Variants in APP observed in about 807,000 individuals in gnomAD.
APP encodes the protein amyloid-beta precursor protein.
APP carries 31 observed loss-of-function variants against 101.4 expected under a neutral mutation model. The ratio of observed to expected loss-of-function variants is 0.31; its 90% CI spans 0.23 to 0.41. The LOEUF is 0.41. Among genes scored for constraint, APP ranks in the 10% least tolerant of loss-of-function variants. APP has a pLI of 1.00. For synonymous variants in APP, 366 were observed against 364.4 expected, an observed-to-expected ratio of 1.00 and a Z score of -0.05; for missense variants, 839 against 1,003.7, an observed-to-expected ratio of 0.84 and a Z score of 2.22.
At chr21:26,170,438 G>A (rs1217990023) in intron 1 of APP, 126 bp downstream of exon 1, 5 of 1,006,468 alleles carry the variant, frequency 5.0e-6, no homozygotes, top group East Asian at 6.1e-5. Context: ...AAGCGGGGGC[G>A]GAGAGGAGAG....
intron 13 of APP, among the ~76,000 whole-genome samples, chr21:25,912,304 T>C (rs2039117427): frequency 6.6e-6 from 1 of 152,140 alleles, no homozygotes; most frequent in Non-Finnish European, 1.5e-5. Context: ...CAGTTAGACG[T>C]CCCTAGTATA....
intron 6 of APP, among the ~76,000 whole-genome samples, chr21:26,011,720 G>C (rs1288350560): frequency 6.6e-6 from 1 of 151,436 alleles, no homozygotes; most frequent in Non-Finnish European, 1.5e-5. Context: ...CAGAAATCCT[G>C]GGTAACAAAT....
chr21:26,156,022 G>C (rs927899176), intron 1 of APP, among the ~76,000 whole-genome samples: 1 of 137,638 alleles, frequency 7.3e-6, no homozygotes, highest in East Asian at 2.2e-4. Flanking sequence ...AAAAAAAAAA[G>C]ATACCACTTC....
Position 26,096,769 on chromosome 21 carries a change from C to T in APP, c.226-6697G>A, listed in dbSNP as rs530169929. Among the ~76,000 whole-genome samples the T allele has an allele frequency of 1.9e-4, 29 of 151,986 alleles. No homozygotes were observed. The South Asian group carries it at 6.0e-3, about 32-fold the overall frequency. ...CCAGTCTGGGCAACAGAGTGAGACC[C>T]CGCCTCAAAAAAACAAAAAACAAAA... is the stretch of plus-strand genomic sequence containing the variant. On this transcript the variant is annotated intron_variant, in intron 2 of 17. Transcript: ENST00000346798.
intron 1 of APP, among the ~76,000 whole-genome samples, chr21:26,149,471 A>G (rs2063218165): frequency 6.6e-6 from 1 of 152,250 alleles, no homozygotes; most frequent in African/African-American, 2.4e-5. Flanking sequence ...CTATTTTTAC[A>G]TATGCCAGAA....
intron 1 of APP, among the ~76,000 whole-genome samples, chr21:26,169,745 G>T (rs981182046): frequency 5.3e-5 from 8 of 152,230 alleles, no homozygotes; most frequent in Non-Finnish European, 1.0e-4. Context: ...AGGGCGGGGT[G>T]TCGCGGCTTT....
chr21:26,080,725 G>A (rs928681878), intron 3 of APP, among the ~76,000 whole-genome samples: 26 of 148,276 alleles, frequency 1.8e-4, no homozygotes, highest in African/African-American at 6.0e-4. Flanking sequence ...AGCCAAGATC[G>A]CACCACTGCA....
At chr21:25,965,432 C>G (rs1400831536) in intron 11 of APP, among the ~76,000 whole-genome samples, 1 of 152,238 alleles carries the variant, frequency 6.6e-6, no homozygotes, top group Admixed American at 6.5e-5. Flanking sequence ...CATACATCCT[C>G]TAACTGGTTA....
intron 1 of APP, among the ~76,000 whole-genome samples, chr21:26,145,833 C>T (rs550816958): frequency 3.5e-4 from 54 of 152,162 alleles, no homozygotes; most frequent in African/African-American, 1.2e-3. Flanking sequence ...TCACTTATAT[C>T]GGTATGATTT....
intron 15 of APP, 103 bp from the exon 16 acceptor site, chr21:25,897,776 G>C: frequency 1.1e-6 from 1 of 903,008 alleles, no homozygotes; most frequent in Non-Finnish European, 1.8e-6. Context: ...TTCTAGGCCT[G>C]AAGTTAGAAG....
chr21:26,064,872 G>T (rs1309628829), intron 3 of APP, among the ~76,000 whole-genome samples: 1 of 152,094 alleles, frequency 6.6e-6, no homozygotes, highest in Non-Finnish European at 1.5e-5. Flanking sequence ...GCTGTTGTTT[G>T]AAACAGAGTC....
intron 3 of APP, among the ~76,000 whole-genome samples, chr21:26,067,602 C>A (rs1472522387): frequency 6.6e-6 from 1 of 152,194 alleles, no homozygotes; most frequent in Non-Finnish European, 1.5e-5. Context: ...GGAGGCATAT[C>A]ACTAGGATTC....
chr21:26,012,329 A>G (rs573602654), intron 6 of APP, among the ~76,000 whole-genome samples: 41 of 152,126 alleles, frequency 2.7e-4, no homozygotes, highest in African/African-American at 9.4e-4. Context: ...TAACACTGTA[A>G]AAGTCTCAAT....
chr21:25,920,282 T>C (rs1197139330), intron 13 of APP, among the ~76,000 whole-genome samples: 3 of 151,986 alleles, frequency 2.0e-5, no homozygotes, highest in African/African-American at 7.3e-5. Flanking sequence ...CATGCCAAAA[T>C]GTAAAGACCA....
chr21:26,137,171 G>A (rs1292910004), intron 1 of APP, among the ~76,000 whole-genome samples: 2 of 152,250 alleles, frequency 1.3e-5, no homozygotes, highest in Admixed American at 6.5e-5. Context: ...CAAGTGATCC[G>A]CCCACCTCGG....
At chr21:25,938,640 CT>C (rs1309944536) in intron 13 of APP, among the ~76,000 whole-genome samples, 2 of 152,136 alleles carry the variant, frequency 1.3e-5, no homozygotes, top group African/African-American at 4.8e-5. Context: ...TAGAATTCCT[CT>C]AAATTACTGT....
At chr21:25,994,901 C>T (rs1274864185) in intron 8 of APP, among the ~76,000 whole-genome samples, 2 of 151,990 alleles carry the variant, frequency 1.3e-5, no homozygotes, top group African/African-American at 4.8e-5. Context: ...ATGTTTTTTT[C>T]CTTGTCTGTT....
chr21:25,940,251 A>G (rs577308556), intron 13 of APP, among the ~76,000 whole-genome samples: 2 of 152,260 alleles, frequency 1.3e-5, no homozygotes, highest in South Asian at 4.1e-4. Flanking sequence ...TAATGCTTAT[A>G]AAAATATTAG....
Position 25,959,920 on chromosome 21 carries a change from C to A in APP, c.1459-4165G>T, listed in dbSNP as rs146722944. Among the ~76,000 whole-genome samples the A allele has an allele frequency of 2.4e-3, 366 of 152,262 alleles. 1 individual carries two copies. Among genetic ancestry groups the A allele is most frequent in the African/African-American group, 8.5e-3 (352 of 41,542 alleles). Reference sequence around the variant, plus strand: ...CTCATTTAATACTGCCATTCTCCTTCAAAATATATTCCTAACTTATCCTGA... The same window carrying A: ...CTCATTTAATACTGCCATTCTCCTTAAAAATATATTCCTAACTTATCCTGA... On this transcript the variant is annotated intron_variant, in intron 11 of 17. Coordinates refer to ENST00000346798, the MANE Select transcript of APP (RefSeq NM_000484.4).
Sources: gnomAD v4.1 joint callset for allele counts (sites outside exome capture counted in the v4.1 genomes callset) on GRCh38, gnomAD v4.1.1 for gene constraint, MANE v1.5 for transcripts, NCBI Gene and HGNC (gene_info 2026-07-23, HGNC 2026-07-21) for gene names.